The following NDUFS1 variants were observed in gnomAD, a reference collection of about 807,000 sequenced individuals.
NDUFS1 encodes the protein NADH:ubiquinone oxidoreductase core subunit S1.
A neutral mutation model predicts 84.4 loss-of-function variants in NDUFS1; 61 were observed. That is an observed-to-expected ratio of 0.72 (90% CI 0.59 to 0.89). The LOEUF (loss-of-function observed/expected upper bound fraction) is 0.89. Among genes scored for constraint, NDUFS1 ranks in the 40% least tolerant of loss-of-function variants. NDUFS1 has a pLI of 0.00. For missense variants in NDUFS1, 891 were observed against 890.0 expected, an observed-to-expected ratio of 1.00 and a Z score of -0.01; for synonymous variants, 275 against 290.0, an observed-to-expected ratio of 0.95 and a Z score of 0.53.
rs762369653 is a variant in NDUFS1 at position 206,126,766 on chromosome 2, G to A, written c.1963C>T (p.Arg655Ter). The A allele has an allele frequency of 1.4e-5, 22 of 1,613,936 alleles. No homozygotes were observed. Among genetic ancestry groups the A allele is most frequent in the Non-Finnish European group, 1.6e-5 (19 of 1,180,004 alleles). ...RLEEVSPNLV[R>*]YDDIEGANYF... Reference sequence around the variant, plus strand: ...TTAGCCCCTTCAATATCATCATATCGAACAAGATTAGGAGAGACTTCTTCC... The same window carrying A: ...TTAGCCCCTTCAATATCATCATATCAAACAAGATTAGGAGAGACTTCTTCC... Residue 655 changes from arginine to a stop codon, truncating the protein, a stop_gained, in exon 17 of 19, where the codon CGA (arginine) becomes TGA (stop). Transcript: ENST00000233190. LOFTEE classifies it high-confidence loss of function.
At chr2:206,153,531 G>T in intron 2 of NDUFS1, 87 bp downstream of exon 2, 1 of 813,466 alleles carries the variant, frequency 1.2e-6, no homozygotes, top group South Asian at 1.4e-5. Context: ...CATGGGTTTA[G>T]GGTCTTTGAT....
Position 206,116,643 on chromosome 2 carries a change from T to G in NDUFS1, c.*7542A>C. 1 of 433,284 alleles carries G rather than the reference T, an allele frequency of 2.3e-6. No individual in the cohort carries two copies. Among genetic ancestry groups the G allele is most frequent in the Non-Finnish European group, 4.3e-6 (1 of 234,464 alleles). 26.8% of individuals were successfully genotyped at this position (433,284 alleles called of 1,614,324 possible). A position where few individuals can be genotyped will look rare whatever the true frequency, so the allele number is the denominator to read the frequency against. On this transcript the variant is annotated 3_prime_UTR_variant, in exon 19 of 19. Transcript: ENST00000233190. ...GCTCACATGTGTAATTCCAGAACTT[T>G]GGGAGGTCAAGGTGGGAGGAGCGCC...
intron 1 of NDUFS1, among the ~76,000 whole-genome samples, chr2:206,157,564 T>A (rs1038601078): frequency 6.6e-6 from 1 of 152,242 alleles, no homozygotes; most frequent in Non-Finnish European, 1.5e-5. Flanking sequence ...CACTGACAGA[T>A]TTGAAATCAA....
intron 13 of NDUFS1, among the ~76,000 whole-genome samples, chr2:206,136,599 A>C (rs953215354): frequency 6.7e-6 from 1 of 150,352 alleles, no homozygotes; most frequent in Admixed American, 6.6e-5. Flanking sequence ...ATACCCAGCT[A>C]ATTTTTGTAT....
At chr2:206,157,225 ACAGACGTGAGT>A (rs1479757342) in intron 1 of NDUFS1, among the ~76,000 whole-genome samples, 2 of 152,196 alleles carry the variant, frequency 1.3e-5, no homozygotes, top group Non-Finnish European at 2.9e-5. Context: ...TGTTGGGATT[ACAGACGTGAGT>A]CACCGCGCCT....
intron 2 of NDUFS1, 76 bp from the exon 3 acceptor site, chr2:206,152,586 T>A: frequency 7.7e-7 from 1 of 1,291,834 alleles, no homozygotes; most frequent in Non-Finnish European, 1.1e-6. Flanking sequence ...GAATTGACTC[T>A]AACTACAAAC....
rs1000350980 is a variant in NDUFS1, at chr2:206,121,805, G to A, written c.*2380C>T. On this transcript the variant is annotated 3_prime_UTR_variant, in exon 19 of 19. Transcript: ENST00000233190. ...TTGTTCACCACAAGCTGCCTAGCAGGTAGCCCAAGGATCCTGGATCAACTT... is the reference window on the plus strand; with the variant it reads ...TTGTTCACCACAAGCTGCCTAGCAGATAGCCCAAGGATCCTGGATCAACTT... 1 of 152,042 alleles carries A rather than the reference G, an allele frequency of 6.6e-6. No homozygotes were observed. Among genetic ancestry groups the A allele is most frequent in the Non-Finnish European group, 1.5e-5 (1 of 68,022 alleles). 9.4% of individuals were successfully genotyped at this position (152,042 alleles called of 1,614,324 possible).
chr2:206,146,965 G>T lies in NDUFS1; in HGVS notation c.675C>A (p.Ile225=). Residue 225 remains isoleucine (I), a synonymous_variant, in exon 8 of 19, where the codon ATC becomes ATA. Coordinates refer to ENST00000233190, the MANE Select transcript of NDUFS1 (RefSeq NM_005006.7). The part of the protein sequence containing the change: ...MSELSGNIID[I]CPVGALTSKP... ...TAGAGGTTAGGGCACCTACAGGGCA[G>T]ATATCAATGATATTCCCAGACAGTT... The T allele has an allele frequency of 6.2e-7, 1 of 1,614,120 alleles. No individual in the cohort carries two copies. Among genetic ancestry groups the T allele is most frequent in the Non-Finnish European group, 8.5e-7 (1 of 1,179,974 alleles).
chr2:206,125,936 G>T (rs897050005), intron 18 of NDUFS1, among the ~76,000 whole-genome samples: 2 of 150,934 alleles, frequency 1.3e-5, no homozygotes, highest in African/African-American at 4.9e-5. Flanking sequence ...TTACAATGAA[G>T]GTAATCTTTA....
chr2:206,142,922 C>T, intron 10 of NDUFS1, 91 bp from the exon 11 acceptor site: 5 of 1,526,550 alleles, frequency 3.3e-6, no homozygotes, highest in Non-Finnish European at 4.4e-6. Flanking sequence ...TACTTGTTTT[C>T]AAGTACAAAA....
In NDUFS1 at chr2:206,120,107, T is replaced by C. The variant is rs1691055919; in HGVS notation, c.*4078A>G. On this transcript the variant is annotated 3_prime_UTR_variant, in exon 19 of 19. Transcript: ENST00000233190. ...CTCGCTCCCATTTTGCCTTCTACCA[T>C]GATTGTAAGCTTCCTGAGGCCCTCA... The C allele has an allele frequency of 6.6e-6, 1 of 152,306 alleles. No individual in the cohort carries two copies. Among genetic ancestry groups the C allele is most frequent in the African/African-American group, 2.4e-5 (1 of 41,452 alleles). 9.4% of individuals were successfully genotyped at this position (152,306 alleles called of 1,614,324 possible).
chr2:206,145,972 G>A (rs1305867640), intron 8 of NDUFS1, among the ~76,000 whole-genome samples: 1 of 152,200 alleles, frequency 6.6e-6, no homozygotes, highest in Non-Finnish European at 1.5e-5. Context: ...GGTGAAACCA[G>A]AGAAAGCTCA....
Position 206,138,514 on chromosome 2 carries a change from T to C in NDUFS1, c.1363A>G (p.Ile455Val), listed in dbSNP as rs758095913. 1.5e-5 allele frequency: 24 copies of C among 1,613,980 alleles called. No homozygotes were observed. The highest frequency in any genetic ancestry group is 1.9e-5 in the Non-Finnish European group (23 of 1,179,992). ...LGDSPKILQD[I>V]ASGSHPFSQV... is the part of the protein sequence containing the mutation. Reference sequence around the variant, plus strand: ...CTAAATGGATGGCTTCCCGAAGCAATGTCTTGAAGAATTTTGGGGGAGTCT... The same window carrying C: ...CTAAATGGATGGCTTCCCGAAGCAACGTCTTGAAGAATTTTGGGGGAGTCT... The change falls in exon 13 of 19, where the codon ATT becomes GTT. Residue 455 changes from isoleucine to valine, a missense_variant. Ile to Val is a conservative substitution (Grantham distance 29). Coordinates refer to ENST00000233190, the MANE Select transcript of NDUFS1 (RefSeq NM_005006.7).
At chr2:206,128,720 G>A (rs891913708) in intron 15 of NDUFS1, among the ~76,000 whole-genome samples, 2 of 149,268 alleles carry the variant, frequency 1.3e-5, no homozygotes, top group African/African-American at 4.9e-5. Context: ...GGCTGGGGCT[G>A]CAGTGAGCCG....
At chr2:206,140,943 T>TATATATATACACACAC (rs367723817) in intron 12 of NDUFS1, among the ~76,000 whole-genome samples, 2 of 136,110 alleles carry the variant, frequency 1.5e-5, no homozygotes, top group African/African-American at 5.6e-5. Context: ...TATATATATA[T>TATATATATACACACAC]ACACACACAC....
intron 8 of NDUFS1, among the ~76,000 whole-genome samples, chr2:206,145,926 C>A (rs747570328): frequency 6.6e-6 from 1 of 152,136 alleles, no homozygotes; most frequent in African/African-American, 2.4e-5. Context: ...GTGGTAATTG[C>A]GGCAAGCATT....
intron 1 of NDUFS1, among the ~76,000 whole-genome samples, chr2:206,154,124 T>G (rs1687528867): frequency 6.6e-6 from 1 of 152,234 alleles, no homozygotes; most frequent in African/African-American, 2.4e-5. Flanking sequence ...TACTAAATGT[T>G]CCTGAGATAT....
intron 13 of NDUFS1, 96 bp downstream of exon 13, chr2:206,138,389 G>A: frequency 6.9e-7 from 1 of 1,459,362 alleles, no homozygotes. Flanking sequence ...CCTGGTGTAA[G>A]TTTTAACACT....
chr2:206,156,750 T>C (rs1246223269), intron 1 of NDUFS1, among the ~76,000 whole-genome samples: 1 of 152,232 alleles, frequency 6.6e-6, no homozygotes. Context: ...CATTCATAAA[T>C]TTCATTAATT....
Sources: gnomAD v4.1 joint callset for allele counts (sites outside exome capture counted in the v4.1 genomes callset) on GRCh38, gnomAD v4.1.1 for gene constraint, MANE v1.5 for transcripts, NCBI Gene and HGNC (gene_info 2026-07-23, HGNC 2026-07-21) for gene names.